ALK: variants seen among roughly 807,000 people sequenced by gnomAD.
ALK encodes ALK tyrosine kinase receptor.
Under a neutral mutation model 163.1 loss-of-function variants are expected in ALK, and 74 were observed. That is an observed-to-expected ratio of 0.45 (90% CI 0.38 to 0.55). The LOEUF is 0.55. ALK is among the 20% of genes least tolerant of loss of function. The pLI, the probability that ALK is intolerant of heterozygous loss-of-function variation, is 0.00. For missense variants in ALK, 2,063 were observed against 2,105.3 expected (o/e 0.98, Z 0.39); for synonymous variants, 960 against 843.2 (o/e 1.14, Z -2.40).
chr2:29,329,554 T>C (rs957515287), intron 5 of ALK, among the ~76,000 whole-genome samples: 7 of 152,210 alleles, frequency 4.6e-5, no homozygotes, highest in African/African-American at 1.7e-4. Context: ...GCTAAACCCA[T>C]CTCAGTGCTC....
intron 26 of ALK, among the ~76,000 whole-genome samples, chr2:29,198,355 C>T (rs1411940367): frequency 2.0e-5 from 3 of 152,046 alleles, no homozygotes; most frequent in Non-Finnish European, 4.4e-5. Flanking sequence ...TTATTCTTTT[C>T]CAACTCATCA....
chr2:29,717,882 A>T (rs557509624), intron 1 of ALK, among the ~76,000 whole-genome samples, 185 bp from the exon 2 acceptor site: 3 of 152,322 alleles, frequency 2.0e-5, no homozygotes, highest in South Asian at 2.1e-4. Context: ...TACATTTTCT[A>T]TCAAGGGCAG....
chr2:29,727,637 T>A (rs1273962580), intron 1 of ALK, among the ~76,000 whole-genome samples: 1 of 152,210 alleles, frequency 6.6e-6, no homozygotes, highest in African/African-American at 2.4e-5. Flanking sequence ...ACACTAGAAA[T>A]CCTTGTGCTT....
intron 1 of ALK, among the ~76,000 whole-genome samples, chr2:29,894,745 T>C (rs1183175716): frequency 2.0e-5 from 3 of 152,128 alleles, no homozygotes; most frequent in Non-Finnish European, 4.4e-5. Flanking sequence ...TATTCTGTGA[T>C]TCTGGACTCC....
intron 5 of ALK, among the ~76,000 whole-genome samples, chr2:29,352,133 C>T (rs917410181): frequency 6.6e-6 from 1 of 152,150 alleles, no homozygotes; most frequent in African/African-American, 2.4e-5. Context: ...AGTTGTGCTA[C>T]CGATTAGTCA....
At chr2:29,823,874 AG>A (rs1665120610) in intron 1 of ALK, among the ~76,000 whole-genome samples, 1 of 152,246 alleles carries the variant, frequency 6.6e-6, no homozygotes, top group Admixed American at 6.5e-5. Context: ...ATAAGTAATA[AG>A]GAGTTGCATA....
At chr2:29,880,013 T>C (rs1166923101) in intron 1 of ALK, among the ~76,000 whole-genome samples, 2 of 152,222 alleles carry the variant, frequency 1.3e-5, no homozygotes, top group Non-Finnish European at 2.9e-5. Context: ...ATGGCAGATT[T>C]AAAGCAGATC....
At chr2:29,780,984 AG>A (rs1412192135) in intron 1 of ALK, among the ~76,000 whole-genome samples, 1 of 152,258 alleles carries the variant, frequency 6.6e-6, no homozygotes, top group Non-Finnish European at 1.5e-5. Flanking sequence ...CAGAAAAGAA[AG>A]AACTACCCTG....
chr2:29,743,103 T>G (rs1056246552), intron 1 of ALK, among the ~76,000 whole-genome samples: 1 of 152,192 alleles, frequency 6.6e-6, no homozygotes, highest in Non-Finnish European at 1.5e-5. Context: ...TGGTATTTAC[T>G]TTTTCTGATG....
At chr2:29,811,645 G>A (rs1664764041) in intron 1 of ALK, among the ~76,000 whole-genome samples, 1 of 152,130 alleles carries the variant, frequency 6.6e-6, no homozygotes, top group East Asian at 1.9e-4. Flanking sequence ...TGACTCTAAA[G>A]CACAAACACA....
chr2:29,222,656 AATG>A, intron 20 of ALK, 49 bp from the exon 21 acceptor site: 1 of 1,558,694 alleles, frequency 6.4e-7, no homozygotes, highest in East Asian at 2.3e-5. Flanking sequence ...AGGCCACAAT[AATG>A]AGGCAGCTGG....
intron 4 of ALK, among the ~76,000 whole-genome samples, chr2:29,494,821 A>G (rs1671984517): frequency 6.8e-6 from 1 of 147,012 alleles, no homozygotes; most frequent in African/African-American, 2.6e-5. Context: ...TATTGTGAGA[A>G]GCTCAAAGCT....
rs187045884 is a variant in ALK, at chr2:29,419,141, G to A, written c.1155-35282C>T. 7.8e-4 allele frequency among the ~76,000 whole-genome samples: 118 copies of A among 151,306 alleles called. 3 individuals carry two copies. Among genetic ancestry groups the A allele is most frequent in the Non-Finnish European group, 1.2e-3 (80 of 67,984 alleles). On this transcript the variant is annotated intron_variant, in intron 4 of 28. Coordinates refer to ENST00000389048, the MANE Select transcript of ALK (RefSeq NM_004304.5). ...GCAAACTCAGCTTACTGCAACCTCC[G>A]CCTCCCGTGTTCAAGTGATTCTCCT... is the stretch of plus-strand genomic sequence containing the variant.
chr2:29,919,908 G>A (rs1256178025), intron 1 of ALK, 85 bp downstream of exon 1: 14 of 1,499,130 alleles, frequency 9.3e-6, no homozygotes, highest in South Asian at 3.7e-5. Context: ...TAGAAAGTGG[G>A]GTGGAAGTGA....
chr2:29,535,754 A>T (rs1007768465), intron 3 of ALK, among the ~76,000 whole-genome samples: 2 of 152,164 alleles, frequency 1.3e-5, no homozygotes, highest in African/African-American at 4.8e-5. Flanking sequence ...CTCTCTAAGG[A>T]TTCTTACAGC....
At chr2:29,290,267 G>A (rs994841697) in intron 9 of ALK, among the ~76,000 whole-genome samples, 2 of 152,200 alleles carry the variant, frequency 1.3e-5, no homozygotes, top group African/African-American at 2.4e-5. Flanking sequence ...GCTCAGATGC[G>A]AGCCTGAGTG....
intron 1 of ALK, among the ~76,000 whole-genome samples, chr2:29,744,891 C>G (rs76389955): frequency 0.015 from 2,355 of 152,190 alleles, 62 homozygotes; most frequent in African/African-American, 0.054. Context: ...ACTTCCACTG[C>G]ATTCTACTCA....
intron 4 of ALK, among the ~76,000 whole-genome samples, chr2:29,438,855 C>T (rs8179755): frequency 0.21 from 31,572 of 152,092 alleles, 3,459 homozygotes; most frequent in East Asian, 0.32. Flanking sequence ...TCCCCCAGCG[C>T]TCCTACTGAT....
At chr2:29,690,150 C>G (rs924739538) in intron 3 of ALK, among the ~76,000 whole-genome samples, 15 of 152,200 alleles carry the variant, frequency 9.9e-5, no homozygotes, top group African/African-American at 3.6e-4. Flanking sequence ...TCTGCTGTTG[C>G]AATACCCTAG....
Sources: allele counts gnomAD v4.1 joint callset (sites outside exome capture counted in the v4.1 genomes callset), GRCh38; gene constraint gnomAD v4.1.1; transcripts MANE v1.5; gene names NCBI Gene and HGNC (gene_info 2026-07-23, HGNC 2026-07-21).